Variants in AKNAD1 observed in about 807,000 individuals in gnomAD.
The protein encoded by AKNAD1 is AKNA domain containing 1.
Under a neutral mutation model 90.8 loss-of-function variants are expected in AKNAD1, and 67 were observed. That is an observed-to-expected ratio of 0.74 (90% CI 0.61 to 0.90). The LOEUF is 0.90. AKNAD1 is among the 40% of genes least tolerant of loss of function. The pLI is 0.00. For missense variants in AKNAD1, 957 were observed against 975.4 expected (o/e 0.98, Z 0.25); for synonymous variants, 327 against 341.4 (o/e 0.96, Z 0.46).
chr1:108,827,062 C>A, intron 11 of AKNAD1, 143 bp downstream of exon 11: 1 of 671,602 alleles, frequency 1.5e-6, no homozygotes, highest in Non-Finnish European at 2.6e-6. Context: ...TTACATTTTG[C>A]AAATAAATAA....
chr1:108,851,313 G>A (rs1000745035), intron 2 of AKNAD1, among the ~76,000 whole-genome samples: 7 of 152,182 alleles, frequency 4.6e-5, no homozygotes, highest in African/African-American at 1.4e-4. Context: ...AGTCAAGATG[G>A]GATGTGCCAC....
chr1:108,822,754 T>C (rs1663857679), intron 13 of AKNAD1, among the ~76,000 whole-genome samples: 1 of 152,206 alleles, frequency 6.6e-6, no homozygotes, highest in Non-Finnish European at 1.5e-5. Context: ...CTTCCCTCCT[T>C]CCTGTTCCCT....
intron 5 of AKNAD1, among the ~76,000 whole-genome samples, 192 bp from the exon 6 acceptor site, chr1:108,843,459 T>C (rs1350605576): frequency 1.3e-5 from 2 of 152,172 alleles, no homozygotes; most frequent in Non-Finnish European, 2.9e-5. Context: ...ATCTCAACAT[T>C]CACAAACCCT....
At chr1:108,845,010 G>A (rs1042515012) in intron 5 of AKNAD1, among the ~76,000 whole-genome samples, 9 of 151,908 alleles carry the variant, frequency 5.9e-5, no homozygotes, top group South Asian at 2.1e-4. Flanking sequence ...GTAGAGATGC[G>A]GTTTCACCAT....
chr1:108,818,221 C>T (rs1011587563), intron 14 of AKNAD1, among the ~76,000 whole-genome samples: 2 of 152,218 alleles, frequency 1.3e-5, no homozygotes, highest in Non-Finnish European at 2.9e-5. Flanking sequence ...CAGCTTCCTC[C>T]GGCTTCAGGT....
chr1:108,837,741 C>T, intron 6 of AKNAD1, 35 bp from the exon 7 acceptor site: 1 of 1,607,488 alleles, frequency 6.2e-7, no homozygotes. Context: ...ATCTTCTGGG[C>T]TATGTGGTTG....
intron 15 of AKNAD1, 76 bp from the exon 16 acceptor site, chr1:108,816,378 A>G: frequency 6.8e-7 from 1 of 1,468,098 alleles, no homozygotes; most frequent in Non-Finnish European, 9.2e-7. Context: ...TCTCATTATT[A>G]AACATTACAA....
chr1:108,834,866 T>C, intron 8 of AKNAD1, 63 bp downstream of exon 8: 1 of 1,494,186 alleles, frequency 6.7e-7, no homozygotes, highest in East Asian at 2.5e-5. Flanking sequence ...TCCTGGAGGC[T>C]GCATGAGGAA....
intron 14 of AKNAD1, among the ~76,000 whole-genome samples, chr1:108,819,919 C>CA (rs71591113): frequency 0.051 from 6,575 of 128,868 alleles, 324 homozygotes; most frequent in African/African-American, 0.12. Flanking sequence ...GAATTAACAG[C>CA]AAAAAAAAAA....
At chr1:108,844,376 C>CCATA (rs1233197965) in intron 5 of AKNAD1, among the ~76,000 whole-genome samples, 1 of 130,284 alleles carries the variant, frequency 7.7e-6, no homozygotes, top group African/African-American at 3.4e-5. Flanking sequence ...CTCTCTCTCT[C>CCATA]CATATATATA....
In AKNAD1 at chr1:108,849,604, T is replaced by A. The variant is rs758557845; in HGVS notation, c.994-28A>T. 3.3e-6 allele frequency: 5 copies of A among 1,525,658 alleles called. No individual in the cohort carries two copies. In the Admixed American group the frequency reaches 8.4e-5, roughly 26 times the overall value. The allele number at this position is 1,525,658 out of a possible 1,614,324, so 94.5% of individuals were successfully genotyped here. On this transcript the variant is annotated intron_variant, in intron 2 of 15. Coordinates refer to ENST00000370001, the MANE Select transcript of AKNAD1 (RefSeq NM_152763.5). ...GCACAATTAAAGGGTAAGAAAACGT[T>A]ACTGTCGATATTGATCAATGACACC...
rs1557821268 is a variant in AKNAD1 at position 108,816,261 on chromosome 1, G to T, written c.2421C>A (p.Thr807=). ...SALDHALRTA[T]ILKETTDQMI... ...TTTGATCTGTAGTTTCTTTCAAAAT[G>T]GTTGCTGTCCTTAGGGCATGATCCA... The change falls in exon 16 of 16, where the codon ACC becomes ACA. Residue 807 remains threonine (T), a synonymous_variant. Transcript: ENST00000370001. 1 of 1,613,648 alleles carries T rather than the reference G, an allele frequency of 6.2e-7. No homozygotes were observed. The highest frequency in any genetic ancestry group is 1.7e-5 in the Admixed American group (1 of 59,964).
At chr1:108,851,081 T>C (rs1282909630) in intron 2 of AKNAD1, among the ~76,000 whole-genome samples, 2 of 152,180 alleles carry the variant, frequency 1.3e-5, no homozygotes, top group Non-Finnish European at 2.9e-5. Context: ...TGGGGGAAAT[T>C]AGGCAATGGA....
chr1:108,844,947 TAGCTGAGATTACA>T (rs894436386), intron 5 of AKNAD1, among the ~76,000 whole-genome samples: 1 of 152,064 alleles, frequency 6.6e-6, no homozygotes, highest in Admixed American at 6.6e-5. Flanking sequence ...GCCTTCCAAG[TAGCTGAGATTACA>T]GGTGTGCACC....
At position 108,816,085 on chromosome 1, in the gene AKNAD1, T is replaced by C; in HGVS notation, c.*86A>G. ...TCTCTAGAAAGTCATCTTCCTAAAT[T>C]GTGTAGTAAGTAAAATACATTTTGG... On this transcript the variant is annotated 3_prime_UTR_variant, in exon 16 of 16. Coordinates refer to ENST00000370001, the MANE Select transcript of AKNAD1 (RefSeq NM_152763.5). 7.4e-7 allele frequency: 1 copy of C among 1,349,562 alleles called. No homozygotes were observed. Among genetic ancestry groups the C allele is most frequent in the Non-Finnish European group, 9.8e-7 (1 of 1,024,560 alleles). The allele number at this position is 1,349,562 out of a possible 1,614,324, so 83.6% of individuals were successfully genotyped here.
At chr1:108,817,825 CT>C (rs1663669070) in intron 14 of AKNAD1, among the ~76,000 whole-genome samples, 1 of 152,038 alleles carries the variant, frequency 6.6e-6, no homozygotes, top group South Asian at 2.1e-4. Context: ...AACTTTCTAC[CT>C]TGCATTTTTA....
In AKNAD1 at chr1:108,834,536, A is replaced by T. The variant is rs201859332; in HGVS notation, c.1665-8T>A. ...TAATGACCGTTTAGGTAACTAATTT[A>T]AAAAAAAAAAAAGCAGTTTGAATGT... On this transcript the variant is annotated splice_region_variant and splice_polypyrimidine_tract_variant and intron_variant, in intron 8 of 15. Transcript: ENST00000370001. The T allele has an allele frequency of 1.6e-4, 6 of 38,452 alleles. No homozygotes were observed. The highest frequency in any genetic ancestry group is 9.0e-4 in the African/African-American group (3 of 3,330). 2.4% of individuals were successfully genotyped at this position (38,452 alleles called of 1,614,324 possible).
intron 14 of AKNAD1, chr1:108,817,434 C>A: frequency 3.9e-6 from 1 of 254,088 alleles, no homozygotes; most frequent in Non-Finnish European, 7.3e-6. Flanking sequence ...AGAGGCAAGA[C>A]TCTAAACACA....
intron 1 of AKNAD1, among the ~76,000 whole-genome samples, chr1:108,856,286 T>C (rs557462868): frequency 6.6e-6 from 1 of 152,264 alleles, no homozygotes; most frequent in Non-Finnish European, 1.5e-5. Flanking sequence ...CAGGAGCTCA[T>C]TGCCAAACGC....
Sources: allele counts gnomAD v4.1 joint callset (sites outside exome capture counted in the v4.1 genomes callset), GRCh38; gene constraint gnomAD v4.1.1; transcripts MANE v1.5; gene names NCBI Gene and HGNC (gene_info 2026-07-23, HGNC 2026-07-21).